SDK2: variants seen among roughly 807,000 people sequenced by gnomAD.
SDK2 encodes protein sidekick-2.
SDK2 carries 105 observed loss-of-function variants against 253.9 expected under a neutral mutation model. The observed-to-expected ratio is 0.41, with a 90% confidence interval of 0.35 to 0.49. The LOEUF is 0.49. Among genes scored for constraint, SDK2 ranks in the 20% least tolerant of loss-of-function variants. SDK2 has a pLI of 0.06. For missense variants in SDK2, 2,608 were observed against 3,003.0 expected, an observed-to-expected ratio of 0.87 and a Z score of 3.07; for synonymous variants, 1,249 against 1,234.9, an observed-to-expected ratio of 1.01 and a Z score of -0.24.
intron 1 of SDK2, among the ~76,000 whole-genome samples, chr17:73,586,241 C>T (rs888936346): frequency 1.3e-5 from 2 of 152,260 alleles, no homozygotes; most frequent in South Asian, 2.1e-4. Flanking sequence ...CTCTCCCTGC[C>T]CTCCTGCCAT....
In SDK2 at chr17:73,338,586, G is replaced by A; in HGVS notation, c.*1C>T. Reference sequence around the variant, plus strand: ...TCTTTCTGCTTTTTCCTCTTCTGATGTCAAACAAATGATGAAAATCCTGCT... The same window carrying A: ...TCTTTCTGCTTTTTCCTCTTCTGATATCAAACAAATGATGAAAATCCTGCT... On this transcript the variant is annotated 3_prime_UTR_variant, in exon 45 of 45. Coordinates refer to ENST00000392650, the MANE Select transcript of SDK2 (RefSeq NM_001144952.2). The surrounding 1 kb of genome is among the most constrained non-coding windows in gnomAD (Gnocchi z 5.0). 1 of 1,504,298 alleles carries A rather than the reference G, an allele frequency of 6.6e-7. No individual in the cohort carries two copies. Among genetic ancestry groups the A allele is most frequent in the Non-Finnish European group, 8.9e-7 (1 of 1,128,388 alleles). 93.2% of individuals were successfully genotyped at this position (1,504,298 alleles called of 1,614,324 possible).
chr17:73,481,223 C>T lies in SDK2; in HGVS notation c.225-9005G>A, dbSNP rs1567797343. On this transcript the variant is annotated intron_variant, in intron 2 of 44. Coordinates refer to ENST00000392650, the MANE Select transcript of SDK2 (RefSeq NM_001144952.2). The surrounding 1 kb of genome is among the most constrained non-coding windows in gnomAD (Gnocchi z 4.5). ...CCTGGACTTGTCCCCTCCCAGAGGA[C>T]AGACACTGGGATAGGGAAGGATTCT... is the stretch of plus-strand genomic sequence containing the variant. Among the ~76,000 whole-genome samples the T allele has an allele frequency of 6.6e-6, 1 of 152,134 alleles. No homozygotes were observed. Among genetic ancestry groups the T allele is most frequent in the Non-Finnish European group, 1.5e-5 (1 of 68,024 alleles).
chr17:73,412,075 T>TAC, intron 18 of SDK2, among the ~76,000 whole-genome samples: 6 of 50,410 alleles, frequency 1.2e-4, no homozygotes. Flanking sequence ...TATACGTATA[T>TAC]ATGTATATGT....
chr17:73,394,655 T>G (rs921356593), intron 25 of SDK2, among the ~76,000 whole-genome samples: 2 of 152,162 alleles, frequency 1.3e-5, no homozygotes, highest in Non-Finnish European at 2.9e-5. Context: ...GTCTGTCATT[T>G]AAAGGGTGCC....
rs1219991501 is a variant in SDK2 at position 73,612,009 on chromosome 17, G to A, written c.64+32016C>T. Among the ~76,000 whole-genome samples the A allele has an allele frequency of 1.3e-5, 2 of 152,160 alleles. No homozygotes were observed. Among genetic ancestry groups the A allele is most frequent in the African/African-American group, 4.8e-5 (2 of 41,408 alleles). ...ACAGACACTTTCCCTGTCTCAGGAG[G>A]GAGCCCACATTACCCATCAGCCGCC... On this transcript the variant is annotated intron_variant, in intron 1 of 44. Transcript: ENST00000392650. This position sits in a 1 kb window ranked among gnomAD's most constrained non-coding sequence, Gnocchi z 4.4.
At chr17:73,545,115 A>G (rs1427282203) in intron 1 of SDK2, among the ~76,000 whole-genome samples, 2 of 151,760 alleles carry the variant, frequency 1.3e-5, no homozygotes, top group Non-Finnish European at 2.9e-5. Context: ...ACACACACAC[A>G]CACACACACA....
In SDK2 at chr17:73,481,791, C is replaced by T. The variant is rs2063726203; in HGVS notation, c.225-9573G>A. 6.6e-6 allele frequency among the ~76,000 whole-genome samples: 1 copy of T among 152,142 alleles called. No individual in the cohort carries two copies. Among genetic ancestry groups the T allele is most frequent in the Admixed American group, 6.5e-5 (1 of 15,278 alleles). ...ACTTACACCCATGGGCTCTCGGTTTCCAGGCCTTTGGGCCCAGACTGAATT... is the reference window on the plus strand; with the variant it reads ...ACTTACACCCATGGGCTCTCGGTTTTCAGGCCTTTGGGCCCAGACTGAATT... On this transcript the variant is annotated intron_variant, in intron 2 of 44. Transcript: ENST00000392650. The surrounding 1 kb of genome is among the most constrained non-coding windows in gnomAD (Gnocchi z 4.5).
rs1466580100 is a variant in SDK2, at chr17:73,361,452, G to T, written c.5467+232C>A. Among the ~76,000 whole-genome samples the T allele has an allele frequency of 6.6e-6, 1 of 152,196 alleles. No individual in the cohort carries two copies. Among genetic ancestry groups the T allele is most frequent in the Non-Finnish European group, 1.5e-5 (1 of 68,028 alleles). ...GGGCTGGGCCTAAGTGGGAGAGGAG[G>T]GGGCGCTGCTCCAGGGTTTGTGGCT... On this transcript the variant is annotated intron_variant, in intron 39 of 44. Coordinates refer to ENST00000392650, the MANE Select transcript of SDK2 (RefSeq NM_001144952.2). The surrounding 1 kb of genome is among the most constrained non-coding windows in gnomAD (Gnocchi z 4.1).
chr17:73,376,772 G>A (rs1056859357), intron 36 of SDK2, among the ~76,000 whole-genome samples: 4 of 152,172 alleles, frequency 2.6e-5, no homozygotes, highest in Non-Finnish European at 5.9e-5. Context: ...TGCTAGGGGG[G>A]CAATATTTAG....
intron 15 of SDK2, among the ~76,000 whole-genome samples, chr17:73,421,211 T>C (rs368002505): frequency 8.5e-5 from 13 of 152,300 alleles, no homozygotes; most frequent in African/African-American, 2.6e-4. Context: ...ACAGTGAGTA[T>C]GTAAATCCCC....
intron 1 of SDK2, among the ~76,000 whole-genome samples, chr17:73,557,887 C>T (rs940232008): frequency 3.9e-5 from 6 of 152,174 alleles, no homozygotes; most frequent in South Asian, 2.1e-4. Context: ...GGTAGTGATA[C>T]GATGGGCACC....
At chr17:73,427,345 G>T (rs1457169599) in intron 12 of SDK2, among the ~76,000 whole-genome samples, 2 of 152,150 alleles carry the variant, frequency 1.3e-5, no homozygotes, top group East Asian at 3.8e-4. Context: ...ATGGCCTGCT[G>T]CCTGTCTGTG....
intron 1 of SDK2, among the ~76,000 whole-genome samples, chr17:73,632,205 T>C (rs2046279259): frequency 6.6e-6 from 1 of 152,208 alleles, no homozygotes; most frequent in Non-Finnish European, 1.5e-5. Flanking sequence ...GTATGGTTCT[T>C]GGGTGTGTCT....
chr17:73,424,290 G>A (rs2063261393), intron 12 of SDK2, among the ~76,000 whole-genome samples, 198 bp from the exon 13 acceptor site: 2 of 152,206 alleles, frequency 1.3e-5, no homozygotes, highest in South Asian at 4.1e-4. Context: ...CGTTCCTGCG[G>A]GGAGGGTGCA....
chr17:73,417,209 GCCT>G (rs1234096409), intron 16 of SDK2, among the ~76,000 whole-genome samples: 1 of 147,660 alleles, frequency 6.8e-6, no homozygotes, highest in Non-Finnish European at 1.5e-5. Flanking sequence ...TTCGAGACCA[GCCT>G]GGCCAAAAAG....
chr17:73,403,924 ACATT>A (rs1208666304), intron 18 of SDK2, among the ~76,000 whole-genome samples: 4 of 152,374 alleles, frequency 2.6e-5, no homozygotes, highest in East Asian at 1.9e-4. Flanking sequence ...TAATTAATGT[ACATT>A]CAAATTAATT....
chr17:73,484,554 G>A (rs1248642728), intron 2 of SDK2, among the ~76,000 whole-genome samples: 1 of 152,222 alleles, frequency 6.6e-6, no homozygotes, highest in Non-Finnish European at 1.5e-5. Flanking sequence ...ATCCAGGGGC[G>A]TATTTGTTTC....
rs2063515237 is a variant in SDK2, at chr17:73,455,079, C to T, written c.479+827G>A. On this transcript the variant is annotated intron_variant, in intron 4 of 44. Coordinates refer to ENST00000392650, the MANE Select transcript of SDK2 (RefSeq NM_001144952.2). The surrounding 1 kb of genome is among the most constrained non-coding windows in gnomAD (Gnocchi z 5.0). ...AACTAGACTTAATGCTCCCCAAAGGCAGGAACCATCCATCTACGCCTCCAC... is the reference window on the plus strand; with the variant it reads ...AACTAGACTTAATGCTCCCCAAAGGTAGGAACCATCCATCTACGCCTCCAC... Among the ~76,000 whole-genome samples the T allele has an allele frequency of 6.6e-6, 1 of 152,144 alleles. No individual in the cohort carries two copies. Among genetic ancestry groups the T allele is most frequent in the Non-Finnish European group, 1.5e-5 (1 of 68,018 alleles).
chr17:73,588,126 A>G (rs1314279571), intron 1 of SDK2, among the ~76,000 whole-genome samples: 1 of 151,294 alleles, frequency 6.6e-6, no homozygotes, highest in African/African-American at 2.4e-5. Flanking sequence ...TAATCCCAGC[A>G]CTTTGGGAGG....
Sources: gnomAD v4.1 joint callset for allele counts (sites outside exome capture counted in the v4.1 genomes callset) on GRCh38, gnomAD v4.1.1 for gene constraint, Gnocchi (gnomAD v3.1) non-coding constraint, MANE v1.5 for transcripts, NCBI Gene and HGNC (gene_info 2026-07-23, HGNC 2026-07-21) for gene names.